The following CRPPA variants were observed in gnomAD, a reference collection of about 807,000 sequenced individuals.
The protein encoded by CRPPA is CDP-L-ribitol pyrophosphorylase A.
CRPPA carries 43 observed loss-of-function variants against 52.0 expected under a neutral mutation model. That is an observed-to-expected ratio of 0.83 (90% CI 0.65 to 1.07). CRPPA has a LOEUF of 1.07. Among genes scored for constraint, CRPPA ranks in the 50% least tolerant of loss-of-function variants. The probability of loss-of-function intolerance (pLI) is 0.00; values close to 1 mark genes in which losing one functional copy is unlikely to be tolerated. For missense variants in CRPPA, 629 were observed against 551.7 expected (o/e 1.14, Z -1.40); for synonymous variants, 250 against 203.5 (o/e 1.23, Z -1.94).
intron 9 of CRPPA, among the ~76,000 whole-genome samples, chr7:16,169,266 T>C (rs917137665): frequency 1.3e-5 from 2 of 152,142 alleles, no homozygotes; most frequent in African/African-American, 4.8e-5. Flanking sequence ...GTTTAAAAAG[T>C]ACATGTACTA....
intron 6 of CRPPA, chr7:16,276,892 G>A (rs928992974): frequency 1.3e-5 from 2 of 152,106 alleles, no homozygotes; most frequent in East Asian, 3.9e-4. Flanking sequence ...GGAGGTAGAA[G>A]ACACTGGTTA....
intron 5 of CRPPA, among the ~76,000 whole-genome samples, chr7:16,289,291 T>C (rs982677338): frequency 6.6e-6 from 1 of 152,070 alleles, no homozygotes; most frequent in African/African-American, 2.4e-5. Context: ...GAAGAACTGA[T>C]ACTAATCCTC....
chr7:16,123,406 A>C (rs2128370490), intron 9 of CRPPA, among the ~76,000 whole-genome samples: 1 of 152,296 alleles, frequency 6.6e-6, no homozygotes, highest in African/African-American at 2.4e-5. Flanking sequence ...CCAAAGGCAA[A>C]CTATGTTAGA....
rs559258290 is a variant in CRPPA at position 16,337,017 on chromosome 7, T to G, written c.685-28390A>C. 2.0e-5 allele frequency among the ~76,000 whole-genome samples: 3 copies of G among 152,194 alleles called. No individual in the cohort carries two copies. In the South Asian group the frequency reaches 6.2e-4, roughly 32 times the overall value. On this transcript the variant is annotated intron_variant, in intron 3 of 9. Coordinates refer to ENST00000407010, the MANE Select transcript of CRPPA (RefSeq NM_001101426.4). ...TACAAATCTGAATGAAGAGAGAGAT[T>G]GCAATACTATAATAGTAGGGGACCT...
At chr7:16,123,391 T>TTG (rs1334129037) in intron 9 of CRPPA, among the ~76,000 whole-genome samples, 1 of 152,070 alleles carries the variant, frequency 6.6e-6, no homozygotes, top group Non-Finnish European at 1.5e-5. Flanking sequence ...AAATTTCAGA[T>TTG]AAGTCCAAAG....
intron 5 of CRPPA, 42 bp from the exon 6 acceptor site, chr7:16,278,268 T>C (rs770898355): frequency 2.1e-6 from 2 of 966,828 alleles, no homozygotes; most frequent in Non-Finnish European, 3.1e-6. Context: ...AAACAAAACA[T>C]GTAACAAGGC....
chr7:16,277,876 G>A (rs1446098752), intron 6 of CRPPA, among the ~76,000 whole-genome samples: 1 of 152,118 alleles, frequency 6.6e-6, no homozygotes, highest in African/African-American at 2.4e-5. Context: ...GCTGGGGAAT[G>A]CAGGCATCAG....
chr7:16,236,782 T>C (rs927022468), intron 8 of CRPPA, among the ~76,000 whole-genome samples: 3 of 152,040 alleles, frequency 2.0e-5, no homozygotes, highest in Non-Finnish European at 4.4e-5. Flanking sequence ...CTAAAAAAAA[T>C]CATCTACCAT....
intron 9 of CRPPA, among the ~76,000 whole-genome samples, chr7:16,150,418 G>T (rs2128378677): frequency 6.6e-6 from 1 of 152,168 alleles, no homozygotes; most frequent in South Asian, 2.1e-4. Context: ...AGGGATGCTG[G>T]GGATAAATCA....
chr7:16,217,403 C>T (rs1288064697), intron 8 of CRPPA, among the ~76,000 whole-genome samples: 1,890 of 150,206 alleles, frequency 0.013, 46 homozygotes, highest in African/African-American at 0.043. Flanking sequence ...TCCAAAGGAA[C>T]GCAGTTCCTC....
chr7:16,215,097 T>C (rs1014368398), intron 9 of CRPPA, among the ~76,000 whole-genome samples: 3 of 152,216 alleles, frequency 2.0e-5, no homozygotes, highest in African/African-American at 7.2e-5. Context: ...TTAAAATGTA[T>C]AGTTTCAGAA....
intron 6 of CRPPA, chr7:16,269,597 T>A (rs1364274352): frequency 1.3e-5 from 2 of 152,240 alleles, no homozygotes; most frequent in African/African-American, 4.8e-5. Context: ...AAAGGTAAAC[T>A]TTTTTTAACA....
intron 9 of CRPPA, among the ~76,000 whole-genome samples, chr7:16,193,225 C>A (rs369777290): frequency 6.6e-6 from 1 of 152,194 alleles, no homozygotes; most frequent in African/African-American, 2.4e-5. Context: ...GTATTTCATA[C>A]TTTTAAGTAT....
chr7:16,141,499 AAC>A (rs1305985068), intron 9 of CRPPA, among the ~76,000 whole-genome samples: 2 of 152,344 alleles, frequency 1.3e-5, no homozygotes, highest in Admixed American at 6.5e-5. Flanking sequence ...TGAAATATTA[AAC>A]ACAAGATAAT....
chr7:16,395,663 G>A (rs1447808008), intron 2 of CRPPA, among the ~76,000 whole-genome samples: 6 of 152,182 alleles, frequency 3.9e-5, no homozygotes, highest in Admixed American at 6.5e-5. Context: ...AAGTGGATAT[G>A]CAGCAAAAAG....
chr7:16,382,775 T>G (rs1447665959), intron 2 of CRPPA, among the ~76,000 whole-genome samples: 1 of 152,142 alleles, frequency 6.6e-6, no homozygotes, highest in Non-Finnish European at 1.5e-5. Context: ...TTCTTCCAGT[T>G]GATCGCATCG....
At chr7:16,203,748 A>G (rs776445012) in intron 9 of CRPPA, among the ~76,000 whole-genome samples, 2 of 152,162 alleles carry the variant, frequency 1.3e-5, no homozygotes, top group Non-Finnish European at 2.9e-5. Flanking sequence ...GACATTTGCC[A>G]TTAAGAAGTC....
chr7:16,394,633 G>A (rs1018995721), intron 2 of CRPPA, among the ~76,000 whole-genome samples: 3 of 152,092 alleles, frequency 2.0e-5, no homozygotes, highest in African/African-American at 7.2e-5. Flanking sequence ...TTCCCACCTT[G>A]ATTACCAAAA....
intron 3 of CRPPA, among the ~76,000 whole-genome samples, chr7:16,327,450 G>A (rs976543769): frequency 3.3e-5 from 5 of 151,956 alleles, no homozygotes; most frequent in East Asian, 1.9e-4. Context: ...AAAATTAGCC[G>A]GGCGCGGTGG....
Sources: gnomAD v4.1 joint callset for allele counts (sites outside exome capture counted in the v4.1 genomes callset) on GRCh38, gnomAD v4.1.1 for gene constraint, MANE v1.5 for transcripts, NCBI Gene and HGNC (gene_info 2026-07-23, HGNC 2026-07-21) for gene names.